The following MOB3B variants were observed in gnomAD, a reference collection of about 807,000 sequenced individuals.
MOB3B encodes MOB kinase activator 3B.
A neutral mutation model predicts 18.7 loss-of-function variants in MOB3B; 7 were observed. The ratio of observed to expected loss-of-function variants is 0.37; its 90% CI spans 0.21 to 0.70. MOB3B has a LOEUF of 0.70. Ranked by LOEUF, MOB3B falls within the 30% of genes least tolerant of loss-of-function variation. The pLI is 0.52. For synonymous variants in MOB3B, 111 were observed against 99.9 expected (o/e 1.11, Z -0.66); for missense variants, 253 against 281.3 (o/e 0.90, Z 0.72).
chr9:27,485,725 A>AT (rs535474254), intron 1 of MOB3B, among the ~76,000 whole-genome samples: 47 of 152,246 alleles, frequency 3.1e-4, no homozygotes, highest in African/African-American at 9.9e-4. Context: ...CATGATATCA[A>AT]TTTTTCCCCC....
rs535388993 is a variant in MOB3B, at chr9:27,402,386, T to G, written c.419-43150A>C. Reference sequence around the variant, plus strand: ...AATGCCCGGCACAGCACTTCACAGATAGAAGGTGTTCTATCTGTATTTTTT... The same window carrying G: ...AATGCCCGGCACAGCACTTCACAGAGAGAAGGTGTTCTATCTGTATTTTTT... On this transcript the variant is annotated intron_variant, in intron 2 of 3. Transcript: ENST00000262244. Among the ~76,000 whole-genome samples the G allele has an allele frequency of 5.3e-5, 8 of 152,340 alleles. No homozygotes were observed. The East Asian group carries it at 1.4e-3, about 26-fold the overall frequency.
intron 2 of MOB3B, among the ~76,000 whole-genome samples, chr9:27,405,926 C>T (rs544517996): frequency 1.3e-5 from 2 of 152,146 alleles, no homozygotes; most frequent in Non-Finnish European, 2.9e-5. Flanking sequence ...GAACATACCT[C>T]AACATGATAA....
intron 1 of MOB3B, among the ~76,000 whole-genome samples, chr9:27,490,100 GC>G (rs1168904135): frequency 6.6e-6 from 1 of 152,074 alleles, no homozygotes; most frequent in Non-Finnish European, 1.5e-5. Context: ...GCATCACCTG[GC>G]TGGGCCTCTT....
At chr9:27,467,137 T>G (rs1455754092) in intron 1 of MOB3B, among the ~76,000 whole-genome samples, 1 of 152,180 alleles carries the variant, frequency 6.6e-6, no homozygotes, top group Non-Finnish European at 1.5e-5. Flanking sequence ...AAAAAAAGTT[T>G]GAAATGAAAT....
chr9:27,484,765 C>G (rs554212431), intron 1 of MOB3B, among the ~76,000 whole-genome samples: 10 of 152,290 alleles, frequency 6.6e-5, no homozygotes, highest in Non-Finnish European at 1.3e-4. Context: ...CTCCTCTACC[C>G]TGCCCTGAGA....
chr9:27,415,152 C>T (rs545550482), intron 2 of MOB3B, among the ~76,000 whole-genome samples: 2 of 152,180 alleles, frequency 1.3e-5, no homozygotes, highest in Admixed American at 6.5e-5. Flanking sequence ...TGAGCCACCA[C>T]GCCCAGCCCT....
chr9:27,400,263 T>G (rs185312328), intron 2 of MOB3B, among the ~76,000 whole-genome samples: 1 of 152,248 alleles, frequency 6.6e-6, no homozygotes, highest in Non-Finnish European at 1.5e-5. Flanking sequence ...TTATTGATTG[T>G]ATTGTTAATT....
chr9:27,363,430 G>C (rs1051954635), intron 2 of MOB3B, among the ~76,000 whole-genome samples: 3 of 151,962 alleles, frequency 2.0e-5, no homozygotes, highest in African/African-American at 7.3e-5. Flanking sequence ...CGCCACGCCC[G>C]GCTAATTTTT....
chr9:27,378,642 C>G lies in MOB3B; in HGVS notation c.419-19406G>C, dbSNP rs187079579. ...TGGCTTTCTGGTCCATTCTCCCAGCCCTTGCCAGCCCTGATGACTCCCTGA... is the reference window on the plus strand; with the variant it reads ...TGGCTTTCTGGTCCATTCTCCCAGCGCTTGCCAGCCCTGATGACTCCCTGA... On this transcript the variant is annotated intron_variant, in intron 2 of 3. Coordinates refer to ENST00000262244, the MANE Select transcript of MOB3B (RefSeq NM_024761.5). 4 of 471,136 alleles carry G rather than the reference C, an allele frequency of 8.5e-6. No homozygotes were observed. In the Admixed American group the frequency reaches 9.4e-5, roughly 11 times the overall value. The allele number at this position is 471,136 out of a possible 1,614,324, so 29.2% of individuals were successfully genotyped here.
At chr9:27,362,652 C>T (rs1305777698) in intron 2 of MOB3B, among the ~76,000 whole-genome samples, 1 of 152,170 alleles carries the variant, frequency 6.6e-6, no homozygotes, top group Non-Finnish European at 1.5e-5. Flanking sequence ...GCAGTCACCC[C>T]AGGCCAACTC....
At chr9:27,470,505 C>G (rs1819454899) in intron 1 of MOB3B, among the ~76,000 whole-genome samples, 1 of 152,216 alleles carries the variant, frequency 6.6e-6, no homozygotes, top group Admixed American at 6.5e-5. Flanking sequence ...CAGGCGACTT[C>G]TCCCTACAGT....
Position 27,529,619 on chromosome 9 carries a change from G to A in MOB3B, c.-263C>T, listed in dbSNP as rs1040155274. The A allele has an allele frequency of 8.1e-6, 8 of 985,620 alleles. No individual in the cohort carries two copies. The highest frequency in any genetic ancestry group is 1.7e-5 in the African/African-American group (1 of 57,254). 61.1% of individuals were successfully genotyped at this position (985,620 alleles called of 1,614,324 possible). On this transcript the variant is annotated 5_prime_UTR_variant, in exon 1 of 4. Coordinates refer to ENST00000262244, the MANE Select transcript of MOB3B (RefSeq NM_024761.5). ...CTTCGCCGGGTCAGCTGCAGCCAGCGCGAAAGAAAATGGTGAGCTCGGGGC... is the reference window on the plus strand; with the variant it reads ...CTTCGCCGGGTCAGCTGCAGCCAGCACGAAAGAAAATGGTGAGCTCGGGGC...
intron 2 of MOB3B, among the ~76,000 whole-genome samples, chr9:27,422,553 T>C (rs1822270806): frequency 6.6e-6 from 1 of 152,244 alleles, no homozygotes; most frequent in South Asian, 2.1e-4. Context: ...ACAGATTTTA[T>C]CTTTGTTTTC....
intron 2 of MOB3B, among the ~76,000 whole-genome samples, chr9:27,390,893 C>T (rs1041509661): frequency 7.9e-5 from 12 of 152,158 alleles, no homozygotes; most frequent in African/African-American, 2.2e-4. Flanking sequence ...GCTTCCTCCC[C>T]GCTTCCACCA....
intron 1 of MOB3B, among the ~76,000 whole-genome samples, chr9:27,488,994 CATG>C (rs1453886120): frequency 2.0e-5 from 3 of 152,312 alleles, no homozygotes; most frequent in African/African-American, 7.2e-5. Context: ...AAGAGTGAGA[CATG>C]ATGTTTCAAG....
intron 3 of MOB3B, among the ~76,000 whole-genome samples, chr9:27,350,241 A>G (rs1821086024): frequency 6.6e-6 from 1 of 151,916 alleles, no homozygotes; most frequent in Admixed American, 6.6e-5. Flanking sequence ...ATACCAAAAA[A>G]AAAAAAAAAA....
chr9:27,441,500 C>T (rs1822593851), intron 2 of MOB3B, among the ~76,000 whole-genome samples: 1 of 152,122 alleles, frequency 6.6e-6, no homozygotes, highest in South Asian at 2.1e-4. Flanking sequence ...ACTGATAACC[C>T]AGATATCTAC....
intron 1 of MOB3B, among the ~76,000 whole-genome samples, chr9:27,500,205 T>C (rs771521106): frequency 6.6e-5 from 10 of 152,150 alleles, no homozygotes; most frequent in Non-Finnish European, 1.3e-4. Context: ...TAGTTTCAAA[T>C]TCCCTGTGCT....
At chr9:27,403,516 ATTTTTTTTTTTTTTTTTTTT>A (rs74178385) in intron 2 of MOB3B, among the ~76,000 whole-genome samples, 1 of 79,626 alleles carries the variant, frequency 1.3e-5, no homozygotes. Context: ...CTCTTTACTA[ATTTTTTTTTTTTTTTTTTTT>A]TTTTTTTTTT....
Sources: gnomAD v4.1 joint callset for allele counts (sites outside exome capture counted in the v4.1 genomes callset) on GRCh38, gnomAD v4.1.1 for gene constraint, MANE v1.5 for transcripts, NCBI Gene and HGNC (gene_info 2026-07-23, HGNC 2026-07-21) for gene names.